The following VAV1 variants were observed in gnomAD, a reference collection of about 807,000 sequenced individuals.
VAV1 encodes proto-oncogene vav.
In VAV1, 33 loss-of-function variants were observed where a neutral mutation model predicts 128.1. The observed-to-expected ratio is 0.26, with a 90% CI of 0.20 to 0.34. VAV1 has a LOEUF of 0.34. Among genes scored for constraint, VAV1 ranks in the 10% least tolerant of loss-of-function variants. The pLI, the probability that VAV1 is intolerant of heterozygous loss-of-function variation, is 1.00. For synonymous variants in VAV1, 394 were observed against 409.8 expected (o/e 0.96, Z 0.47); for missense variants, 715 against 1,093.7 (o/e 0.65, Z 4.88).
At chr19:6,776,520 TCATCCATC>T (rs367861307) in intron 1 of VAV1, among the ~76,000 whole-genome samples, 1,959 of 63,020 alleles carry the variant, frequency 0.031, 48 homozygotes, top group African/African-American at 0.079. Context: ...ATCCATCCTC[TCATCCATC>T]CATCCATCCA....
At chr19:6,804,913 T>C (rs1356993624) in intron 1 of VAV1, among the ~76,000 whole-genome samples, 11 of 151,674 alleles carry the variant, frequency 7.3e-5, no homozygotes, top group Non-Finnish European at 1.5e-4. Context: ...TTAGTAGAGA[T>C]GAGTTTTCAC....
At chr19:6,793,061 G>A (rs146906652) in intron 1 of VAV1, among the ~76,000 whole-genome samples, 12 of 152,178 alleles carry the variant, frequency 7.9e-5, no homozygotes, top group East Asian at 5.8e-4. Flanking sequence ...ATGGCCGGGC[G>A]CGGTGGCTCA....
At chr19:6,819,060 G>C (rs972897187) in intron 1 of VAV1, among the ~76,000 whole-genome samples, 8 of 152,114 alleles carry the variant, frequency 5.3e-5, no homozygotes, top group African/African-American at 1.9e-4. Context: ...AGGTTGCAGT[G>C]AGCTAAGATG....
intron 6 of VAV1, 127 bp from the exon 7 acceptor site, chr19:6,824,926 A>T: frequency 1.0e-6 from 1 of 997,504 alleles, no homozygotes; most frequent in East Asian, 2.4e-5. Flanking sequence ...ACATTCTTGT[A>T]CAAGTTTTTG....
At chr19:6,833,979 G>A in intron 19 of VAV1, 26 bp downstream of exon 19, 2 of 1,613,758 alleles carry the variant, frequency 1.2e-6, no homozygotes, top group Non-Finnish European at 1.7e-6. Flanking sequence ...TTGCTGTGTG[G>A]GGGCAGGAGG....
chr19:6,793,883 GTAA>G (rs1971070979), intron 1 of VAV1, among the ~76,000 whole-genome samples: 1 of 152,032 alleles, frequency 6.6e-6, no homozygotes, highest in South Asian at 2.1e-4. Context: ...TAAAAATGAG[GTAA>G]TAATTGTAAA....
rs763267007 is a variant in VAV1, at chr19:6,833,159, T to C, written c.1509-25T>C. On this transcript the variant is annotated intron_variant, in intron 15 of 26. Coordinates refer to ENST00000602142, the MANE Select transcript of VAV1 (RefSeq NM_005428.4). ...AATAAAATACTGACCTTCTTTTTTT[T>C]TTTTTTTTAATTTTCCCCTGCCAGC... The C allele has an allele frequency of 9.5e-6, 15 of 1,578,128 alleles. No homozygotes were observed. The Middle Eastern group carries it at 5.2e-4, about 54-fold the overall frequency.
At chr19:6,833,826 T>C in intron 18 of VAV1, 82 bp from the exon 19 acceptor site, 1 of 1,612,902 alleles carries the variant, frequency 6.2e-7, no homozygotes, top group Middle Eastern at 1.7e-4. Context: ...GCAGGATCCT[T>C]TGTGGGGTGA....
intron 1 of VAV1, among the ~76,000 whole-genome samples, chr19:6,787,502 G>C (rs1276004119): frequency 6.6e-6 from 1 of 152,058 alleles, no homozygotes; most frequent in Non-Finnish European, 1.5e-5. Context: ...CTGCTTTCTT[G>C]TGGGTGTTTT....
chr19:6,821,265 G>A (rs1971775264), intron 2 of VAV1, among the ~76,000 whole-genome samples: 1 of 152,032 alleles, frequency 6.6e-6, no homozygotes, highest in Non-Finnish European at 1.5e-5. Context: ...GCTGGGTGTG[G>A]TGGCCGGCGC....
In VAV1 at chr19:6,828,068, T is replaced by A. The variant is rs1189089716; in HGVS notation, c.928-8T>A. On this transcript the variant is annotated splice_polypyrimidine_tract_variant and splice_region_variant and intron_variant, in intron 9 of 26. Coordinates refer to ENST00000602142, the MANE Select transcript of VAV1 (RefSeq NM_005428.4). This position sits in a 1 kb window ranked among gnomAD's most constrained non-coding sequence, Gnocchi z 4.5. ...CCTCAGTTTCCCCATTGTTCTCTGA[T>A]TCCCCAGGAATGTTCTCAGAGAGCC... 1 of 1,613,850 alleles carries A rather than the reference T, an allele frequency of 6.2e-7. No individual in the cohort carries two copies. Among genetic ancestry groups the A allele is most frequent in the Non-Finnish European group, 8.5e-7 (1 of 1,179,752 alleles).
intron 1 of VAV1, among the ~76,000 whole-genome samples, chr19:6,800,481 G>C (rs144682627): frequency 6.6e-6 from 1 of 150,694 alleles, no homozygotes; most frequent in Non-Finnish European, 1.5e-5. Flanking sequence ...AGCTAATTTT[G>C]TATTTTTAGC....
rs146852359 is a variant in VAV1 at position 6,833,918 on chromosome 19, A to G, written c.1742A>G (p.His581Arg). 5.1e-5 allele frequency: 82 copies of G among 1,614,082 alleles called. No individual in the cohort carries two copies. The African/African-American group carries it at 1.0e-3, about 20-fold the overall frequency. The change falls in exon 19 of 27, where the codon CAT becomes CGT. Residue 581 changes from histidine (H) to arginine (R), a missense_variant. His to Arg is a conservative substitution (Grantham distance 29). Coordinates refer to ENST00000602142, the MANE Select transcript of VAV1 (RefSeq NM_005428.4). ...TGTTTCTCCTTCCAGGACAAACTACATCGCAGGGCTCAGGACAAAAAGAGG... is the reference window on the plus strand; with the variant it reads ...TGTTTCTCCTTCCAGGACAAACTACGTCGCAGGGCTCAGGACAAAAAGAGG... ...FPGTMKKDKLHRRAQDKKRNE... is the reference protein window; with the variant it reads ...FPGTMKKDKLRRRAQDKKRNE...
At chr19:6,813,969 A>G (rs1971567507) in intron 1 of VAV1, among the ~76,000 whole-genome samples, 1 of 152,110 alleles carries the variant, frequency 6.6e-6, no homozygotes, top group African/African-American at 2.4e-5. Context: ...CTGACGCAGG[A>G]GGATCTTTTG....
At chr19:6,849,665 A>G (rs1360582504) in intron 23 of VAV1, among the ~76,000 whole-genome samples, 5 of 152,130 alleles carry the variant, frequency 3.3e-5, no homozygotes, top group African/African-American at 7.2e-5. Flanking sequence ...ACCCCTGCTT[A>G]TAAGTGAGAA....
chr19:6,789,094 A>G (rs943878112), intron 1 of VAV1, among the ~76,000 whole-genome samples: 5 of 152,218 alleles, frequency 3.3e-5, no homozygotes, highest in Admixed American at 2.6e-4. Flanking sequence ...GGGAGGCAGA[A>G]TCGCCCTGGG....
chr19:6,850,705 C>T lies in VAV1; in HGVS notation c.2165C>T (p.Thr722Ile). 2 of 1,614,106 alleles carry T rather than the reference C, an allele frequency of 1.2e-6. No homozygotes were observed. Among genetic ancestry groups the T allele is most frequent in the Non-Finnish European group, 1.7e-6 (2 of 1,180,010 alleles). The change falls in exon 24 of 27, where the codon ACA becomes ATA. Residue 722 changes from threonine (T) to isoleucine (I), a missense_variant. By Grantham distance (89) the Thr-to-Ile change is moderately conservative. Transcript: ENST00000602142. ...GAGGTCAAGCACATTAAAATCATGA[C>T]AGCAGAAGGACTGTACCGGATCACA... The part of the protein sequence containing the change: ...NVEVKHIKIM[T>I]AEGLYRITEK...
chr19:6,832,115 G>C lies in VAV1; in HGVS notation c.1423G>C (p.Glu475Gln), dbSNP rs144739934. The change falls in exon 15 of 27, where the codon GAG becomes CAG. Residue 475 changes from glutamate to glutamine, a missense_variant. Coordinates refer to ENST00000602142, the MANE Select transcript of VAV1 (RefSeq NM_005428.4). ...KKWSHMFLLI[E>Q]DQGAQGYELF... ...GTGGAGCCACATGTTCCTCCTGATCGAGGACCAAGGTGCCCAGGGCTATGA... is the reference window on the plus strand; with the variant it reads ...GTGGAGCCACATGTTCCTCCTGATCCAGGACCAAGGTGCCCAGGGCTATGA... 15 of 1,614,102 alleles carry C rather than the reference G, an allele frequency of 9.3e-6. No individual in the cohort carries two copies. Among genetic ancestry groups the C allele is most frequent in the Admixed American group, 1.7e-5 (1 of 59,996 alleles).
At chr19:6,789,107 C>T (rs530268393) in intron 1 of VAV1, among the ~76,000 whole-genome samples, 6 of 152,124 alleles carry the variant, frequency 3.9e-5, no homozygotes, top group Non-Finnish European at 5.9e-5. Flanking sequence ...GCCCTGGGGG[C>T]GGGCAAACCA....
Sources: allele counts gnomAD v4.1 joint callset (sites outside exome capture counted in the v4.1 genomes callset), GRCh38; gene constraint gnomAD v4.1.1; non-coding constraint Gnocchi (gnomAD v3.1); transcripts MANE v1.5; gene names NCBI Gene and HGNC (gene_info 2026-07-23, HGNC 2026-07-21).